C14orf39: variants seen among roughly 807,000 people sequenced by gnomAD.
C14orf39 encodes the protein protein SIX6OS1.
A neutral mutation model predicts 85.6 loss-of-function variants in C14orf39; 66 were observed. That is an observed-to-expected ratio of 0.77 (90% CI 0.63 to 0.95). The LOEUF (loss-of-function observed/expected upper bound fraction) is 0.95. Ranked by LOEUF, C14orf39 falls within the 40% of genes least tolerant of loss-of-function variation. The pLI is 0.00. For missense variants in C14orf39, 735 were observed against 663.9 expected (o/e 1.11, Z -1.18); for synonymous variants, 242 against 214.0 (o/e 1.13, Z -1.14).
At chr14:60,512,037 G>A (rs1395272141) in intron 1 of C14orf39, 1 of 151,238 alleles carries the variant, frequency 6.6e-6, no homozygotes, top group Non-Finnish European at 1.5e-5. Context: ...ACAAACATAT[G>A]TATGTACCTA....
intron 13 of C14orf39, among the ~76,000 whole-genome samples, chr14:60,460,991 A>T (rs1891496005): frequency 6.6e-6 from 1 of 151,946 alleles, no homozygotes; most frequent in Admixed American, 6.6e-5. Context: ...CTATTTACTG[A>T]CATAGAGAAA....
At chr14:60,450,556 A>G (rs892165053) in intron 16 of C14orf39, among the ~76,000 whole-genome samples, 2 of 152,202 alleles carry the variant, frequency 1.3e-5, no homozygotes, top group African/African-American at 4.8e-5. Flanking sequence ...AATCCTAGAC[A>G]GCATCTCTAG....
intron 15 of C14orf39, among the ~76,000 whole-genome samples, chr14:60,455,794 A>C (rs1173471273): frequency 6.6e-6 from 1 of 152,108 alleles, no homozygotes; most frequent in Non-Finnish European, 1.5e-5. Context: ...ACACCTAATA[A>C]GGCTGTTGTG....
chr14:60,502,288 A>G (rs965382344), intron 1 of C14orf39, among the ~76,000 whole-genome samples: 2 of 152,216 alleles, frequency 1.3e-5, no homozygotes, highest in Admixed American at 1.3e-4. Context: ...TAATGGAGTC[A>G]GAAGAAACAC....
chr14:60,445,366 G>A (rs1890714454), intron 16 of C14orf39, among the ~76,000 whole-genome samples: 1 of 152,138 alleles, frequency 6.6e-6, no homozygotes. Context: ...AAGAGATGGA[G>A]GAAGATATAC....
At chr14:60,495,314 G>T in intron 2 of C14orf39, 1 of 218,700 alleles carries the variant, frequency 4.6e-6, no homozygotes, top group Non-Finnish European at 9.7e-6. Context: ...CTCCGTTGGA[G>T]GCCACCAATC....
At position 60,499,396 on chromosome 14, in the gene C14orf39, T is replaced by A. The variant is rs192907848; in HGVS notation, c.-109A>T. On this transcript the variant is annotated 5_prime_UTR_variant, in exon 2 of 6. Transcript: ENST00000556799. ...AGATCCAGAATAATTTCTATGTATA[T>A]AAATTTAGTATGTGATACAGGTGGC... The A allele has an allele frequency of 1.7e-3, 257 of 152,326 alleles. 1 individual carries two copies. Among genetic ancestry groups the A allele is most frequent in the African/African-American group, 5.9e-3 (245 of 41,576 alleles). 9.4% of individuals were successfully genotyped at this position (152,326 alleles called of 1,614,324 possible).
intron 17 of C14orf39, among the ~76,000 whole-genome samples, chr14:60,438,930 A>G (rs2140009297): frequency 6.6e-6 from 1 of 152,310 alleles, no homozygotes; most frequent in East Asian, 1.9e-4. Flanking sequence ...AGACTGGTTA[A>G]TGAGTATAAA....
intron 1 of C14orf39, chr14:60,509,200 C>T: frequency 8.3e-6 from 5 of 601,574 alleles, no homozygotes; most frequent in Non-Finnish European, 1.5e-5. Context: ...AGCCCGAACC[C>T]CAAGCCGCGG....
intron 11 of C14orf39, 100 bp downstream of exon 11, chr14:60,465,879 C>G (rs1315589005): frequency 4.3e-5 from 6 of 139,820 alleles, no homozygotes; most frequent in Non-Finnish European, 6.9e-5. Context: ...CACACACACA[C>G]ACACACACAC....
At chr14:60,469,161 T>C (rs1891944570) in intron 8 of C14orf39, among the ~76,000 whole-genome samples, 1 of 151,084 alleles carries the variant, frequency 6.6e-6, no homozygotes, top group African/African-American at 2.4e-5. Flanking sequence ...TACTACCTTT[T>C]TAAAAAACAC....
intron 16 of C14orf39, among the ~76,000 whole-genome samples, chr14:60,442,906 G>C (rs1365946188): frequency 1.3e-5 from 2 of 152,070 alleles, no homozygotes. Context: ...TATTGAGAAA[G>C]TAATTTTTTC....
chr14:60,465,924 T>C (rs2140103803), intron 11 of C14orf39, 55 bp downstream of exon 11: 2 of 896,768 alleles, frequency 2.2e-6, no homozygotes, highest in Non-Finnish European at 3.4e-6. Flanking sequence ...ACATTCATTA[T>C]TACATTTAAT....
chr14:60,471,551 C>A lies in C14orf39; in HGVS notation c.511+1G>T. ...AAACAATATAACAAAAATATTAATACCTCGAAATTTCATAAAAATTGTTTC... is the reference window on the plus strand; with the variant it reads ...AAACAATATAACAAAAATATTAATAACTCGAAATTTCATAAAAATTGTTTC... On this transcript the variant is annotated splice_donor_variant, in intron 6 of 17. Coordinates refer to ENST00000321731, the MANE Select transcript of C14orf39 (RefSeq NM_174978.3). LOFTEE classifies it high-confidence loss of function. 2 of 1,589,596 alleles carry A rather than the reference C, an allele frequency of 1.3e-6. No individual in the cohort carries two copies. Among genetic ancestry groups the A allele is most frequent in the Non-Finnish European group, 1.7e-6 (2 of 1,170,462 alleles).
chr14:60,452,850 T>C (rs1004642976), intron 16 of C14orf39, among the ~76,000 whole-genome samples: 2 of 152,192 alleles, frequency 1.3e-5, no homozygotes, highest in African/African-American at 2.4e-5. Context: ...TTCTTTGATC[T>C]ATGGCCTACA....
At chr14:60,492,904 C>T (rs1044225410) in intron 2 of C14orf39, among the ~76,000 whole-genome samples, 3 of 152,178 alleles carry the variant, frequency 2.0e-5, no homozygotes, top group African/African-American at 7.2e-5. Context: ...AATTACATGG[C>T]ATCAGTCTCA....
At chr14:60,488,204 T>G (rs1892935006), upstream of C14orf39, among the ~76,000 whole-genome samples, 1 of 152,218 alleles carries the variant, frequency 6.6e-6, no homozygotes, top group South Asian at 2.1e-4. Flanking sequence ...TGTAGAAATC[T>G]AGAAACACCA....
At chr14:60,497,025 A>T (rs1595494646) in intron 2 of C14orf39, 1 of 152,242 alleles carries the variant, frequency 6.6e-6, no homozygotes, top group Middle Eastern at 3.4e-3. Context: ...GCCTACAGGG[A>T]CCTTTACGGT....
At chr14:60,498,878 T>C (rs573603849) in intron 2 of C14orf39, among the ~76,000 whole-genome samples, 2 of 152,324 alleles carry the variant, frequency 1.3e-5, no homozygotes, top group Non-Finnish European at 2.9e-5. Context: ...CACTGGACTC[T>C]GAGATAGTGA....
Sources: allele counts gnomAD v4.1 joint callset (sites outside exome capture counted in the v4.1 genomes callset), GRCh38; gene constraint gnomAD v4.1.1; transcripts MANE v1.5; gene names NCBI Gene and HGNC (gene_info 2026-07-23, HGNC 2026-07-21).